SLC17A2: variants seen among roughly 807,000 people sequenced by gnomAD.
SLC17A2 encodes the protein sodium-dependent phosphate transport protein 3.
In SLC17A2, 38 loss-of-function variants were observed where a neutral mutation model predicts 52.1. That is an observed-to-expected ratio of 0.73 (90% CI 0.56 to 0.96). SLC17A2 has a LOEUF of 0.96. Ranked by LOEUF, SLC17A2 falls within the 40% of genes least tolerant of loss-of-function variation. The probability of loss-of-function intolerance (pLI) is 0.00; values close to 1 mark genes in which losing one functional copy is unlikely to be tolerated. For missense variants in SLC17A2, 508 were observed against 583.9 expected, an observed-to-expected ratio of 0.87 and a Z score of 1.34; for synonymous variants, 226 against 211.9, an observed-to-expected ratio of 1.07 and a Z score of -0.58.
At chr6:25,918,648 C>T in intron 5 of SLC17A2, 75 bp from the exon 6 acceptor site, 2 of 908,992 alleles carry the variant, frequency 2.2e-6, no homozygotes, top group Non-Finnish European at 3.6e-6. Context: ...AAACAATGTC[C>T]CAACAGTGAG....
rs926864018 is a variant in SLC17A2, at chr6:25,922,462, T to C, written c.241-1050A>G. Among the ~76,000 whole-genome samples, 9 of 152,170 alleles carry C rather than the reference T, an allele frequency of 5.9e-5. No individual in the cohort carries two copies. The East Asian group carries it at 1.7e-3, about 29-fold the overall frequency. The stretch of plus-strand genomic sequence containing the variant: ...ATGGGTCATTGATAGCAGATGTGAG[T>C]GTGCTGAGAAGCAGGCCCAAATTCT... On this transcript the variant is annotated intron_variant, in intron 3 of 11. Transcript: ENST00000377850.
intron 1 of SLC17A2, among the ~76,000 whole-genome samples, chr6:25,929,514 G>C (rs1443653755): frequency 6.6e-6 from 1 of 152,122 alleles, no homozygotes; most frequent in African/African-American, 2.4e-5. Context: ...TTGTTAAATT[G>C]GTTTTAAATG....
rs141788790 is a variant in SLC17A2 at position 25,915,677 on chromosome 6, C to G, written c.1064-31G>C. On this transcript the variant is annotated intron_variant, in intron 9 of 11. Transcript: ENST00000377850. The stretch of plus-strand genomic sequence containing the variant: ...CAATGAGGACATGCTGTCAGGGAAC[C>G]CTCTGAGACCATGTGCAGAAAAGGG... The G allele has an allele frequency of 6.8e-6, 11 of 1,612,852 alleles. No individual in the cohort carries two copies. In the African/African-American group the frequency reaches 1.5e-4, roughly 22 times the overall value.
At chr6:25,917,267 T>A (rs528349847) in intron 6 of SLC17A2, among the ~76,000 whole-genome samples, 180 bp from the exon 7 acceptor site, 1 of 152,368 alleles carries the variant, frequency 6.6e-6, no homozygotes, top group African/African-American at 2.4e-5. Flanking sequence ...TAAAGCTTTT[T>A]AGATATTACG....
chr6:25,913,412 C>T lies in SLC17A2; in HGVS notation c.1342G>A (p.Ala448Thr). Residue 448 changes from alanine to threonine, a missense_variant, in exon 12 of 12, where the codon GCT (alanine) becomes ACT (threonine). By Grantham distance (58) the Ala-to-Thr change is moderately conservative. Coordinates refer to ENST00000377850, the MANE Select transcript of SLC17A2 (RefSeq NM_001286123.3). ...ACCAGGCCAAACATGTTGACTGCAG[C>T]AGACAGGAAAAAGACATTCCTCCAA... The part of the protein sequence containing the change: ...SGWRNVFFLS[A>T]AVNMFGLVFY... 1 of 1,614,074 alleles carries T rather than the reference C, an allele frequency of 6.2e-7. No individual in the cohort carries two copies. The highest frequency in any genetic ancestry group is 8.5e-7 in the Non-Finnish European group (1 of 1,179,990).
chr6:25,916,582 T>C, intron 8 of SLC17A2, 103 bp downstream of exon 8: 5 of 960,106 alleles, frequency 5.2e-6, no homozygotes, highest in Non-Finnish European at 8.0e-6. Flanking sequence ...TTGTGAAGGT[T>C]AAATTAATGG....
chr6:25,918,626 C>A lies in SLC17A2; in HGVS notation c.563-53G>T, dbSNP rs187289570. 5 of 1,217,100 alleles carry A rather than the reference C, an allele frequency of 4.1e-6. No homozygotes were observed. The African/African-American group carries it at 7.5e-5, about 18-fold the overall frequency. 75.4% of individuals were successfully genotyped at this position (1,217,100 alleles called of 1,614,324 possible). ...ATGAAAATATCAAAGGCTGAGACTT[C>A]GTGGCCTCCCTAAACAATGTCCCAA... On this transcript the variant is annotated intron_variant, in intron 5 of 11. Coordinates refer to ENST00000377850, the MANE Select transcript of SLC17A2 (RefSeq NM_001286123.3).
Position 25,915,887 on chromosome 6 carries a change from T to C in SLC17A2, c.931-19A>G, listed in dbSNP as rs1766293056. The C allele has an allele frequency of 1.2e-6, 2 of 1,611,310 alleles. No homozygotes were observed. The highest frequency in any genetic ancestry group is 1.7e-4 in the Middle Eastern group (1 of 6,024). ...CTCCACTCTGAAGGAAGGAAGTTTA[T>C]ACAGAGTAGTTATAGAGATACGTTA... On this transcript the variant is annotated intron_variant, in intron 8 of 11. Transcript: ENST00000377850.
intron 5 of SLC17A2, among the ~76,000 whole-genome samples, chr6:25,919,859 T>C (rs1322471478): frequency 1.3e-5 from 2 of 152,032 alleles, no homozygotes; most frequent in Non-Finnish European, 2.9e-5. Flanking sequence ...TGCAGATCTA[T>C]GTGGAGAGCA....
At chr6:25,915,163 A>ATG (rs1766256647) in intron 10 of SLC17A2, among the ~76,000 whole-genome samples, 1 of 127,984 alleles carries the variant, frequency 7.8e-6, no homozygotes, top group Admixed American at 7.9e-5. Context: ...ATATATATAT[A>ATG]TATATATATA....
intron 8 of SLC17A2, 22 bp from the exon 9 acceptor site, chr6:25,915,890 A>G (rs1453399578): frequency 6.8e-6 from 11 of 1,610,574 alleles, no homozygotes; most frequent in Non-Finnish European, 9.3e-6. Flanking sequence ...AAGTTTATAC[A>G]GAGTAGTTAT....
chr6:25,916,473 A>C (rs1419861987), intron 8 of SLC17A2, among the ~76,000 whole-genome samples: 1 of 152,172 alleles, frequency 6.6e-6, no homozygotes, highest in South Asian at 2.1e-4. Flanking sequence ...CAGCTCTATC[A>C]CTTAGTATTG....
intron 3 of SLC17A2, among the ~76,000 whole-genome samples, chr6:25,922,277 GA>G (rs1581569161): frequency 6.6e-6 from 1 of 152,160 alleles, no homozygotes; most frequent in African/African-American, 2.4e-5. Context: ...GAAGGTCCCA[GA>G]AAGGAAGCAA....
chr6:25,915,271 A>G (rs1333348473), intron 10 of SLC17A2, among the ~76,000 whole-genome samples: 1 of 150,202 alleles, frequency 6.7e-6, no homozygotes, highest in Non-Finnish European at 1.5e-5. Flanking sequence ...CTGTTAGGGA[A>G]GCTTGGGAAG....
At chr6:25,918,377 C>A in intron 6 of SLC17A2, 110 bp downstream of exon 6, 1 of 698,524 alleles carries the variant, frequency 1.4e-6, no homozygotes, top group Non-Finnish European at 2.6e-6. Context: ...TTATCATCTT[C>A]CATTTGATAA....
At position 25,925,801 on chromosome 6, in the gene SLC17A2, C is replaced by T. The variant is rs1431147414; in HGVS notation, c.-5G>A. On this transcript the variant is annotated 5_prime_UTR_variant, in exon 2 of 12. Coordinates refer to ENST00000377850, the MANE Select transcript of SLC17A2 (RefSeq NM_001286123.3). ...GGTGGCAGGCTTCCCGTCCATTTAG[C>T]TTCTGTGGGAAATGGTACCACGCTT... is the stretch of plus-strand genomic sequence containing the variant. 2 of 1,614,178 alleles carry T rather than the reference C, an allele frequency of 1.2e-6. No individual in the cohort carries two copies. The highest frequency in any genetic ancestry group is 8.5e-7 in the Non-Finnish European group (1 of 1,180,000).
chr6:25,920,844 T>G (rs766573295), intron 5 of SLC17A2, among the ~76,000 whole-genome samples, 162 bp downstream of exon 5: 2 of 152,268 alleles, frequency 1.3e-5, no homozygotes. Flanking sequence ...ATGTCTTTAC[T>G]GCACAGATGC....
At chr6:25,927,020 C>T (rs1273820214) in intron 1 of SLC17A2, among the ~76,000 whole-genome samples, 1 of 152,170 alleles carries the variant, frequency 6.6e-6, no homozygotes, top group African/African-American at 2.4e-5. Flanking sequence ...GAGCCAAGAT[C>T]GTGCCACTGC....
Position 25,913,283 on chromosome 6 carries a change from T to C in SLC17A2, c.*34A>G, listed in dbSNP as rs201607987. ...TAAAAAATGTTTAAAAAGTTCATGC[T>C]CAGTACCACATTTAAGTTTGTAACT... On this transcript the variant is annotated 3_prime_UTR_variant, in exon 12 of 12. Transcript: ENST00000377850. 1.2e-6 allele frequency: 2 copies of C among 1,612,774 alleles called. No homozygotes were observed. The highest frequency in any genetic ancestry group is 2.7e-5 in the African/African-American group (2 of 75,016).
Sources: allele counts gnomAD v4.1 joint callset (sites outside exome capture counted in the v4.1 genomes callset), GRCh38; gene constraint gnomAD v4.1.1; transcripts MANE v1.5; gene names NCBI Gene and HGNC (gene_info 2026-07-23, HGNC 2026-07-21).